LRRC53: variants seen among roughly 807,000 people sequenced by gnomAD.
LRRC53 encodes leucine rich repeat containing 53, also known as leucine-rich repeat-containing protein 53.
In LRRC53, 25 loss-of-function variants were observed where a neutral mutation model predicts 13.6. The ratio of observed to expected loss-of-function variants is 1.83; its 90% confidence interval spans 1.34 to 2.56. The LOEUF is 2.56. LRRC53 is among the 30% of genes most tolerant of loss of function. The pLI is 0.00. For missense variants in LRRC53, 527 were observed against 275.8 expected, an observed-to-expected ratio of 1.91 and a Z score of -6.45; for synonymous variants, 204 against 109.8, an observed-to-expected ratio of 1.86 and a Z score of -5.37.
At chr1:74,504,719 T>A (rs970403473) in intron 1 of LRRC53, among the ~76,000 whole-genome samples, 10 of 152,172 alleles carry the variant, frequency 6.6e-5, no homozygotes, top group Middle Eastern at 3.4e-3. Context: ...ATATTTAGGT[T>A]ACAACATATC....
intron 4 of LRRC53, 147 bp downstream of exon 4, chr1:74,475,147 CA>C: frequency 1.8e-6 from 1 of 548,162 alleles, no homozygotes; most frequent in Non-Finnish European, 3.2e-6. Flanking sequence ...CACACACACA[CA>C]CACACACACA....
intron 1 of LRRC53, among the ~76,000 whole-genome samples, chr1:74,501,619 T>C (rs572297165): frequency 3.3e-5 from 5 of 152,100 alleles, no homozygotes; most frequent in African/African-American, 1.2e-4. Context: ...CCCGAGTAGC[T>C]GGGATTACAG....
the LRRC53 span, among the ~76,000 whole-genome samples, chr1:74,532,933 TA>T: frequency 6.6e-6 from 1 of 152,114 alleles, no homozygotes; most frequent in Admixed American, 6.5e-5. Context: ...ATTAAAGACT[TA>T]AACGCTAGAC....
In LRRC53 at chr1:74,475,582, A is replaced by T. The variant is rs45557838; in HGVS notation, c.1133T>A (p.Leu378His). 2,792 of 717,370 alleles carry T rather than the reference A, an allele frequency of 3.9e-3. 27 individuals carry two copies. The highest frequency in any genetic ancestry group is 0.029 in the African/African-American group (1,658 of 57,318). The allele number at this position is 717,370 out of a possible 1,614,324, so 44.4% of individuals were successfully genotyped here. A position where few individuals can be genotyped will look rare whatever the true frequency, so the allele number is the denominator to read the frequency against. The stretch of plus-strand genomic sequence containing the variant: ...TGCTTGATGGCTATTTTCCTGTAAA[A>T]GTGGCATTTCTTTTCTGGACCCCAC... ...STVGSRKEMPLLQENSHQATS... is the reference protein window; with the variant it reads ...STVGSRKEMPHLQENSHQATS... Residue 378 changes from leucine to histidine, a missense_variant, in exon 4 of 5, where the codon CTT becomes CAT. By Grantham distance (99) the Leu-to-His change is moderately conservative. Transcript: ENST00000294635.
the LRRC53 span, among the ~76,000 whole-genome samples, chr1:74,536,914 G>T: frequency 2.3e-4 from 35 of 152,106 alleles, no homozygotes; most frequent in African/African-American, 8.4e-4. Flanking sequence ...TTCTAAATCC[G>T]GGCATCTGTG....
At chr1:74,473,532 A>ATT (rs11422312) in intron 4 of LRRC53, among the ~76,000 whole-genome samples, 4,571 of 149,476 alleles carry the variant, frequency 0.031, 161 homozygotes, top group African/African-American at 0.082. Context: ...TTAAAAGGCT[A>ATT]TTTTTTTTTT....
At chr1:74,477,788 A>C (rs1415046873) in intron 3 of LRRC53, among the ~76,000 whole-genome samples, 4 of 152,200 alleles carry the variant, frequency 2.6e-5, no homozygotes, top group Non-Finnish European at 5.9e-5. Flanking sequence ...GGAATGTGCT[A>C]TTAAGAAGAC....
At chr1:74,505,915 A>G (rs1460315982) in intron 1 of LRRC53, among the ~76,000 whole-genome samples, 4 of 152,230 alleles carry the variant, frequency 2.6e-5, no homozygotes, top group Non-Finnish European at 4.4e-5. Flanking sequence ...GCAAACGAGT[A>G]CAAAAAATTT....
intron 2 of LRRC53, among the ~76,000 whole-genome samples, chr1:74,481,251 G>A (rs963064127): frequency 2.0e-5 from 3 of 151,990 alleles, no homozygotes; most frequent in Middle Eastern, 3.2e-3. Flanking sequence ...TCATTGTTTC[G>A]GATTATCTTC....
In LRRC53 at chr1:74,470,444, C is replaced by G; in HGVS notation, c.3178G>C (p.Asp1060His). The G allele has an allele frequency of 2.5e-6, 1 of 400,650 alleles. No homozygotes were observed. The highest frequency in any genetic ancestry group is 4.4e-6 in the Non-Finnish European group (1 of 226,176). The allele number at this position is 400,650 out of a possible 1,614,324, so 24.8% of individuals were successfully genotyped here. Residue 1060 changes from aspartate to histidine, a missense_variant, in exon 5 of 5, where the codon GAC (aspartate) becomes CAC (histidine). By Grantham distance (81) the Asp-to-His change is moderately conservative (BLOSUM62 -1). Transcript: ENST00000294635. ...TTTCTGGGCAATGCATTTGTGCTGT[C>G]AATTCCTTTTTCGCTACTATTGGTT... ...HLTNSSEKGI[D>H]STNALPRNDG...
rs1234016593 is a variant in LRRC53, at chr1:74,512,579, T to C, written c.-80A>G. On this transcript the variant is annotated 5_prime_UTR_variant, in exon 1 of 5. Transcript: ENST00000294635. ...AATCTCTACATTAAAAGGTGGATGA[T>C]GAATCTGAGACCTACTGAGTTAACT... 1 of 152,208 alleles carries C rather than the reference T, an allele frequency of 6.6e-6. No homozygotes were observed. The highest frequency in any genetic ancestry group is 1.5e-5 in the Non-Finnish European group (1 of 68,034). 9.4% of individuals were successfully genotyped at this position (152,208 alleles called of 1,614,324 possible).
chr1:74,478,054 A>G (rs1668292183), intron 3 of LRRC53, among the ~76,000 whole-genome samples: 1 of 152,222 alleles, frequency 6.6e-6, no homozygotes, highest in African/African-American at 2.4e-5. Flanking sequence ...TGGAATTTTT[A>G]TGACTTAGAT....
intron 1 of LRRC53, among the ~76,000 whole-genome samples, chr1:74,500,654 A>C (rs1360705377): frequency 1.5e-5 from 2 of 134,000 alleles, no homozygotes; most frequent in Non-Finnish European, 3.1e-5. Context: ...AAAAAAAAAA[A>C]AAAAATTATT....
rs558634145 is a variant in LRRC53 at position 74,485,555 on chromosome 1, C to G, written c.-26-2180G>C. 5.9e-5 allele frequency among the ~76,000 whole-genome samples: 9 copies of G among 152,280 alleles called. 1 individual carries two copies. In the South Asian group the frequency reaches 1.5e-3, roughly 25 times the overall value. On this transcript the variant is annotated intron_variant, in intron 1 of 4. Coordinates refer to ENST00000294635, the MANE Select transcript of LRRC53 (RefSeq NM_001382280.1). ...TGGTGTACATGCCATGTAGAATACC[C>G]TGTCCTTCAGTGTGGGCAGAACCTG...
the LRRC53 span, among the ~76,000 whole-genome samples, chr1:74,529,596 C>T: frequency 1.3e-5 from 2 of 152,152 alleles, no homozygotes; most frequent in Non-Finnish European, 2.9e-5. Flanking sequence ...ATGGAAGAAT[C>T]AAATGATTGT....
At position 74,472,065 on chromosome 1, in the gene LRRC53, A is replaced by T. The variant is rs3765674; in HGVS notation, c.1557T>A (p.His519Gln). The stretch of plus-strand genomic sequence containing the variant: ...AGCTTGTAATAAAATGTCTTTGCCT[A>T]TGAGGGTGTAAGCCATTGTCTTCTT... ...IEKEDNGLHPHRQRHFITSSS... is the reference protein window; with the variant it reads ...IEKEDNGLHPQRQRHFITSSS... The change falls in exon 5 of 5, where the codon CAT (histidine) becomes CAA (glutamine). Residue 519 changes from histidine (H) to glutamine (Q), a missense_variant. Physicochemically the swap from His to Gln is conservative, Grantham distance 24. Transcript: ENST00000294635. 1 of 715,834 alleles carries T rather than the reference A, an allele frequency of 1.4e-6. No individual in the cohort carries two copies. The highest frequency in any genetic ancestry group is 2.0e-5 in the Admixed American group (1 of 49,760). 44.3% of individuals were successfully genotyped at this position (715,834 alleles called of 1,614,324 possible).
the LRRC53 span, among the ~76,000 whole-genome samples, chr1:74,528,178 TAAG>T: frequency 6.6e-6 from 1 of 152,090 alleles, no homozygotes; most frequent in South Asian, 2.1e-4. Flanking sequence ...CCATGCAGGC[TAAG>T]AAGGACATGG....
chr1:74,477,557 G>C (rs1433793092), intron 3 of LRRC53, among the ~76,000 whole-genome samples: 1 of 152,086 alleles, frequency 6.6e-6, no homozygotes, highest in Non-Finnish European at 1.5e-5. Flanking sequence ...GGAACAAAAG[G>C]GCTAAGTTTT....
intron 4 of LRRC53, among the ~76,000 whole-genome samples, chr1:74,474,368 G>T (rs988858554): frequency 6.6e-6 from 1 of 152,132 alleles, no homozygotes; most frequent in African/African-American, 2.4e-5. Flanking sequence ...ACACTGGTAA[G>T]AACTGGAGTG....
Sources: gnomAD v4.1 joint callset for allele counts (sites outside exome capture counted in the v4.1 genomes callset) on GRCh38, gnomAD v4.1.1 for gene constraint, MANE v1.5 for transcripts, NCBI Gene and HGNC (gene_info 2026-07-23, HGNC 2026-07-21) for gene names.